The following UGGT2 variants were observed in gnomAD, a reference collection of about 807,000 sequenced individuals.
UGGT2 encodes the protein UDP-glucose:glycoprotein glucosyltransferase 2.
UGGT2 carries 180 observed loss-of-function variants against 192.1 expected under a neutral mutation model. The observed-to-expected ratio is 0.94, with a 90% CI of 0.83 to 1.06. The LOEUF (loss-of-function observed/expected upper bound fraction) is 1.06, where lower values mean the gene tolerates loss of function less well. Among genes scored for constraint, UGGT2 ranks in the 50% least tolerant of loss-of-function variants. UGGT2 has a pLI of 0.00. For missense variants in UGGT2, 1,849 were observed against 1,795.7 expected (o/e 1.03, Z -0.54); for synonymous variants, 580 against 591.0 (o/e 0.98, Z 0.27).
At chr13:96,014,263 A>T (rs2052257325) in intron 4 of UGGT2, among the ~76,000 whole-genome samples, 1 of 152,164 alleles carries the variant, frequency 6.6e-6, no homozygotes, top group African/African-American at 2.4e-5. Context: ...TTATTTAGTG[A>T]ATTCTGATCT....
intron 36 of UGGT2, 92 bp from the exon 37 acceptor site, chr13:95,837,294 A>G (rs1312020408): frequency 9.5e-6 from 8 of 846,128 alleles, no homozygotes; most frequent in Admixed American, 9.3e-5. Context: ...TAGACTGTAA[A>G]CAGATCATAA....
chr13:95,943,992 T>C (rs2049780532), intron 15 of UGGT2, among the ~76,000 whole-genome samples: 1 of 152,068 alleles, frequency 6.6e-6, no homozygotes, highest in Non-Finnish European at 1.5e-5. Context: ...TTTGAATTTT[T>C]TCAAATGTTT....
chr13:95,829,919 T>C (rs1886476166), intron 38 of UGGT2, among the ~76,000 whole-genome samples: 3 of 152,156 alleles, frequency 2.0e-5, no homozygotes, highest in Non-Finnish European at 1.5e-5. Context: ...ATGGTACTGG[T>C]ACCAAAACAG....
chr13:95,841,728 G>A (rs1265617500), intron 36 of UGGT2, among the ~76,000 whole-genome samples: 1 of 152,002 alleles, frequency 6.6e-6, no homozygotes, highest in Non-Finnish European at 1.5e-5. Flanking sequence ...TTTATTGCTT[G>A]TGCTTTTGGT....
At chr13:96,027,214 C>T (rs1207753226) in intron 2 of UGGT2, among the ~76,000 whole-genome samples, 1 of 152,136 alleles carries the variant, frequency 6.6e-6, no homozygotes, top group Non-Finnish European at 1.5e-5. Flanking sequence ...AAGGACTGGT[C>T]ACCCAGGGAA....
chr13:96,053,236 G>C lies in UGGT2; in HGVS notation c.77C>G (p.Ser26Cys). ...STALWLSQLG[S>C]GTVAASKSVT... is the part of the protein sequence containing the mutation. ...CGACTTGGACGCGGCGACCGTCCCG[G>C]AGCCGAGCTGCGAAAGCCACAGCGC... The change falls in exon 1 of 39, where the codon TCC becomes TGC. Residue 26 changes from serine (S) to cysteine (C), a missense_variant. Transcript: ENST00000376747. 6.5e-7 allele frequency: 1 copy of C among 1,549,460 alleles called. No individual in the cohort carries two copies. Among genetic ancestry groups the C allele is most frequent in the Non-Finnish European group, 8.7e-7 (1 of 1,155,034 alleles).
intron 10 of UGGT2, among the ~76,000 whole-genome samples, chr13:95,981,134 C>T (rs1011514382): frequency 2.0e-5 from 3 of 152,174 alleles, no homozygotes; most frequent in Non-Finnish European, 4.4e-5. Context: ...AAGCCAGGAG[C>T]TCTGCAGTAC....
intron 12 of UGGT2, among the ~76,000 whole-genome samples, chr13:95,954,852 G>C (rs923580666): frequency 1.3e-5 from 2 of 152,166 alleles, no homozygotes; most frequent in South Asian, 2.1e-4. Context: ...GGCTCCAAAT[G>C]AATCTCTTCA....
chr13:95,827,685 T>C (rs1391894588), intron 38 of UGGT2, among the ~76,000 whole-genome samples: 1 of 152,182 alleles, frequency 6.6e-6, no homozygotes, highest in Non-Finnish European at 1.5e-5. Flanking sequence ...GCCATCCTTA[T>C]AGAGTTAAAC....
chr13:95,911,232 AAGATC>A (rs1222102539), intron 20 of UGGT2, among the ~76,000 whole-genome samples: 1 of 152,198 alleles, frequency 6.6e-6, no homozygotes, highest in African/African-American at 2.4e-5. Flanking sequence ...AGAAATAACT[AAGATC>A]AGAGCAGAAC....
At chr13:95,847,704 A>G (rs1288696693) in intron 36 of UGGT2, among the ~76,000 whole-genome samples, 2 of 152,180 alleles carry the variant, frequency 1.3e-5, no homozygotes, top group Non-Finnish European at 2.9e-5. Flanking sequence ...TGATTCACCT[A>G]CTAAAAGACA....
chr13:95,932,310 T>TG lies in UGGT2; in HGVS notation c.1977+4613_1977+4614insC, dbSNP rs1491297603. Reference sequence around the variant, plus strand: ...GTTAGCTGTATTCCTAGGTATTTTATTTGTGTGTGTGTGTGTGTGTGTGTG... The same window carrying TG: ...GTTAGCTGTATTCCTAGGTATTTTATGTTGTGTGTGTGTGTGTGTGTGTGTG... On this transcript the variant is annotated intron_variant, in intron 17 of 38. Transcript: ENST00000376747. Among the ~76,000 whole-genome samples the TG allele has an allele frequency of 2.3e-3, 291 of 128,122 alleles. 1 individual carries two copies. Among genetic ancestry groups the TG allele is most frequent in the African/African-American group, 7.3e-3 (252 of 34,666 alleles). 84.1% of individuals were successfully genotyped at this position (128,122 alleles called of 152,430 possible). A position where few individuals can be genotyped will look rare whatever the true frequency, so the allele number is the denominator to read the frequency against.
intron 1 of UGGT2, among the ~76,000 whole-genome samples, chr13:96,047,885 T>C (rs1480397907): frequency 6.6e-6 from 1 of 151,834 alleles, no homozygotes. Flanking sequence ...ACAATAATAA[T>C]GGGAGACTTT....
At chr13:95,895,999 A>C (rs1163540628) in intron 22 of UGGT2, among the ~76,000 whole-genome samples, 3 of 151,970 alleles carry the variant, frequency 2.0e-5, no homozygotes, top group Non-Finnish European at 4.4e-5. Context: ...CATCACAACC[A>C]CTACTGACTC....
chr13:95,861,315 G>A (rs948804086), intron 31 of UGGT2, among the ~76,000 whole-genome samples: 5 of 152,114 alleles, frequency 3.3e-5, no homozygotes, highest in Non-Finnish European at 5.9e-5. Flanking sequence ...TGCTGCTGAT[G>A]GGGCTCATCC....
chr13:95,910,732 G>C (rs1379039937), intron 20 of UGGT2, among the ~76,000 whole-genome samples: 1 of 152,114 alleles, frequency 6.6e-6, no homozygotes, highest in Non-Finnish European at 1.5e-5. Flanking sequence ...TCTGCACCAA[G>C]CAGACCTAAC....
At chr13:95,827,861 A>G (rs902558829) in intron 38 of UGGT2, among the ~76,000 whole-genome samples, 2 of 152,128 alleles carry the variant, frequency 1.3e-5, no homozygotes, top group African/African-American at 4.8e-5. Context: ...AGAATTGCCT[A>G]AGCAGATCGT....
intron 5 of UGGT2, among the ~76,000 whole-genome samples, chr13:96,005,908 A>G (rs977955695): frequency 6.6e-6 from 1 of 152,188 alleles, no homozygotes; most frequent in Admixed American, 6.5e-5. Context: ...TGGAACACAA[A>G]CGTGAAACCC....
chr13:96,012,044 C>T (rs2052177638), intron 5 of UGGT2, among the ~76,000 whole-genome samples: 1 of 151,892 alleles, frequency 6.6e-6, no homozygotes, highest in African/African-American at 2.4e-5. Flanking sequence ...GTTGAACTAC[C>T]AGATATCAAA....
Sources: allele counts gnomAD v4.1 joint callset (sites outside exome capture counted in the v4.1 genomes callset), GRCh38; gene constraint gnomAD v4.1.1; transcripts MANE v1.5; gene names NCBI Gene and HGNC (gene_info 2026-07-23, HGNC 2026-07-21).